The following RGS7 variants were observed in gnomAD, a reference collection of about 807,000 sequenced individuals.
RGS7 encodes regulator of G protein signaling 7.
In RGS7, 27 loss-of-function variants were observed where a neutral mutation model predicts 81.1. The ratio of observed to expected loss-of-function variants is 0.33; its 90% CI spans 0.25 to 0.46. The LOEUF is 0.46. RGS7 is among the 20% of genes least tolerant of loss of function. The probability of loss-of-function intolerance (pLI) is 1.00; values close to 1 mark genes in which losing one functional copy is unlikely to be tolerated. For missense variants in RGS7, 396 were observed against 607.4 expected (o/e 0.65, Z 3.66); for synonymous variants, 208 against 207.7 (o/e 1.00, Z -0.01).
At chr1:240,961,048 T>C (rs1681340559) in intron 4 of RGS7, among the ~76,000 whole-genome samples, 3 of 152,188 alleles carry the variant, frequency 2.0e-5, no homozygotes, top group African/African-American at 7.2e-5. Context: ...CCAGAAATTT[T>C]TATTCAGATA....
intron 3 of RGS7, among the ~76,000 whole-genome samples, chr1:241,087,860 A>G (rs1398044129): frequency 6.6e-6 from 1 of 151,656 alleles, no homozygotes; most frequent in Non-Finnish European, 1.5e-5. Flanking sequence ...GAGGCAGGAG[A>G]ATCGCTTGAA....
At position 241,313,582 on chromosome 1, in the gene RGS7, C is replaced by T. The variant is rs947462027; in HGVS notation, c.78+42117G>A. Among the ~76,000 whole-genome samples, 4 of 152,382 alleles carry T rather than the reference C, an allele frequency of 2.6e-5. No homozygotes were observed. In the East Asian group the frequency reaches 7.7e-4, roughly 29 times the overall value. On this transcript the variant is annotated intron_variant, in intron 2 of 18. Coordinates refer to ENST00000440928, the MANE Select transcript of RGS7 (RefSeq NM_001364886.1). ...TAACGTTGTTTTCATGCTAACACAA[C>T]ATCTATTCTGCAGCCCATGGATCGA...
At chr1:241,009,372 C>T (rs1448565747) in intron 3 of RGS7, among the ~76,000 whole-genome samples, 3 of 152,184 alleles carry the variant, frequency 2.0e-5, no homozygotes, top group African/African-American at 7.2e-5. Context: ...ATCTGGGTTA[C>T]TTACATGACC....
At chr1:240,834,950 AC>A in intron 9 of RGS7, among the ~76,000 whole-genome samples, 1 of 151,128 alleles carries the variant, frequency 6.6e-6, no homozygotes, top group African/African-American at 2.5e-5. Context: ...ACACACACAC[AC>A]ACACAAACTC....
intron 3 of RGS7, among the ~76,000 whole-genome samples, chr1:241,056,298 T>A (rs562953163): frequency 2.0e-5 from 3 of 152,216 alleles, no homozygotes; most frequent in Non-Finnish European, 4.4e-5. Context: ...GCTAGGCATC[T>A]TATCTCTAAA....
At chr1:240,900,762 GT>G in intron 6 of RGS7, among the ~76,000 whole-genome samples, 1 of 152,294 alleles carries the variant, frequency 6.6e-6, no homozygotes, top group Admixed American at 6.5e-5. Flanking sequence ...TGAGGAGGCG[GT>G]CTGTCCATTC....
At chr1:240,875,901 T>C (rs1012899671) in intron 6 of RGS7, among the ~76,000 whole-genome samples, 3 of 152,228 alleles carry the variant, frequency 2.0e-5, no homozygotes, top group Non-Finnish European at 4.4e-5. Context: ...TCCTGCTTCA[T>C]TGATACCACC....
At chr1:241,029,708 G>C (rs1244682893) in intron 3 of RGS7, among the ~76,000 whole-genome samples, 1 of 152,174 alleles carries the variant, frequency 6.6e-6, no homozygotes, top group Non-Finnish European at 1.5e-5. Context: ...GCCTAAAGGA[G>C]ATAACATACT....
rs565263525 is a variant in RGS7, at chr1:240,775,881, A to G, written c.*339T>C. 78 of 378,610 alleles carry G rather than the reference A, an allele frequency of 2.1e-4. 1 individual carries two copies. Among genetic ancestry groups the G allele is most frequent in the South Asian group, 1.6e-3 (50 of 31,912 alleles). The allele number at this position is 378,610 out of a possible 1,614,324, so 23.5% of individuals were successfully genotyped here. ...AAGCTTTGAGAGAGAGAGAGAGAGA[A>G]AGAAGGAAAAAAAGAAAAGGTTTTA... On this transcript the variant is annotated 3_prime_UTR_variant, in exon 19 of 19. Coordinates refer to ENST00000440928, the MANE Select transcript of RGS7 (RefSeq NM_001364886.1).
intron 2 of RGS7, among the ~76,000 whole-genome samples, chr1:241,100,868 G>A (rs187022686): frequency 2.6e-3 from 397 of 152,258 alleles, no homozygotes; most frequent in African/African-American, 9.1e-3. Flanking sequence ...TGGAAGGAGC[G>A]CCATTACCCT....
intron 2 of RGS7, among the ~76,000 whole-genome samples, chr1:241,148,365 G>C (rs932682342): frequency 6.6e-6 from 1 of 151,910 alleles, no homozygotes; most frequent in Non-Finnish European, 1.5e-5. Flanking sequence ...ATTTTCTATT[G>C]ACTTCATTTC....
At chr1:240,824,457 C>T (rs1692413018) in intron 10 of RGS7, among the ~76,000 whole-genome samples, 1 of 152,218 alleles carries the variant, frequency 6.6e-6, no homozygotes, top group Admixed American at 6.5e-5. Flanking sequence ...ACAGAGACGG[C>T]TCAATTATGG....
At chr1:240,974,281 A>T (rs1044905002) in intron 4 of RGS7, among the ~76,000 whole-genome samples, 1 of 152,208 alleles carries the variant, frequency 6.6e-6, no homozygotes, top group Non-Finnish European at 1.5e-5. Context: ...AATTATATTT[A>T]TCCTTAATCT....
At chr1:240,977,465 A>G (rs1418132808) in intron 4 of RGS7, among the ~76,000 whole-genome samples, 1 of 152,242 alleles carries the variant, frequency 6.6e-6, no homozygotes, top group East Asian at 1.9e-4. Flanking sequence ...TCTTACTGAT[A>G]TGATTGAAAG....
intron 2 of RGS7, among the ~76,000 whole-genome samples, chr1:241,211,425 G>A (rs2074235891): frequency 6.6e-6 from 1 of 152,158 alleles, no homozygotes; most frequent in African/African-American, 2.4e-5. Flanking sequence ...AAATCCCTGA[G>A]CTTTGTGGCA....
intron 10 of RGS7, among the ~76,000 whole-genome samples, chr1:240,824,173 T>A (rs1467206247): frequency 2.0e-5 from 3 of 152,214 alleles, no homozygotes; most frequent in Admixed American, 6.5e-5. Context: ...AACAATTAGA[T>A]ACAACATTCC....
intron 2 of RGS7, among the ~76,000 whole-genome samples, chr1:241,301,366 A>C (rs1254474738): frequency 6.6e-6 from 1 of 152,270 alleles, no homozygotes. Context: ...TTCCCTGCTT[A>C]GGTCATGACA....
chr1:241,060,162 A>C (rs2061672146), intron 3 of RGS7, among the ~76,000 whole-genome samples: 1 of 152,122 alleles, frequency 6.6e-6, no homozygotes, highest in African/African-American at 2.4e-5. Context: ...TAATTAATAT[A>C]TTGTAGTTAC....
At chr1:240,969,274 A>G (rs1682828727) in intron 4 of RGS7, among the ~76,000 whole-genome samples, 2 of 152,214 alleles carry the variant, frequency 1.3e-5, no homozygotes, top group African/African-American at 2.4e-5. Context: ...AGGAACACAT[A>G]TATGCAGAAA....
Sources: allele counts gnomAD v4.1 joint callset (sites outside exome capture counted in the v4.1 genomes callset), GRCh38; gene constraint gnomAD v4.1.1; transcripts MANE v1.5; gene names NCBI Gene and HGNC (gene_info 2026-07-23, HGNC 2026-07-21).